The following NRG3 variants were observed in gnomAD, a reference collection of about 807,000 sequenced individuals.
NRG3 encodes neuregulin 3.
Under a neutral mutation model 66.9 loss-of-function variants are expected in NRG3, and 31 were observed. The observed-to-expected ratio is 0.46, with a 90% CI of 0.35 to 0.63. NRG3 has a LOEUF of 0.63. Among genes scored for constraint, NRG3 ranks in the 20% least tolerant of loss-of-function variants. The pLI is 0.00. For missense variants in NRG3, 910 were observed against 878.9 expected (o/e 1.04, Z -0.45); for synonymous variants, 393 against 359.4 (o/e 1.09, Z -1.06).
intron 8 of NRG3, among the ~76,000 whole-genome samples, chr10:82,981,233 T>C (rs1852855575): frequency 6.6e-6 from 1 of 152,224 alleles, no homozygotes; most frequent in African/African-American, 2.4e-5. Flanking sequence ...TCACTTATTT[T>C]CTGCGTGGTG....
At chr10:82,672,617 T>C (rs147642710) in intron 2 of NRG3, among the ~76,000 whole-genome samples, 2 of 152,332 alleles carry the variant, frequency 1.3e-5, no homozygotes, top group East Asian at 3.9e-4. Flanking sequence ...TATTGTCATT[T>C]TGTTAGACTA....
chr10:82,158,691 T>C (rs770740792), intron 1 of NRG3, among the ~76,000 whole-genome samples: 1 of 151,926 alleles, frequency 6.6e-6, no homozygotes, highest in Non-Finnish European at 1.5e-5. Flanking sequence ...GATCATTCCT[T>C]TGGGCTTATG....
chr10:82,001,969 C>T (rs1234803371), intron 1 of NRG3, among the ~76,000 whole-genome samples: 1 of 152,098 alleles, frequency 6.6e-6, no homozygotes, highest in Non-Finnish European at 1.5e-5. Flanking sequence ...GTTTGGAGCC[C>T]ATTGCAAAAC....
chr10:82,624,156 A>T (rs1040648970), intron 2 of NRG3, among the ~76,000 whole-genome samples: 20 of 152,194 alleles, frequency 1.3e-4, no homozygotes, highest in Non-Finnish European at 2.4e-4. Flanking sequence ...TAAAATTTAA[A>T]TGAGATAATA....
At chr10:82,331,756 G>A (rs1362924465) in intron 1 of NRG3, among the ~76,000 whole-genome samples, 1 of 152,146 alleles carries the variant, frequency 6.6e-6, no homozygotes. Flanking sequence ...AGTGGACCAT[G>A]GTTTTACATC....
chr10:82,152,797 C>T (rs935533279), intron 1 of NRG3, among the ~76,000 whole-genome samples: 1 of 150,026 alleles, frequency 6.7e-6, no homozygotes, highest in Admixed American at 6.7e-5. Flanking sequence ...TTCTTCTTCC[C>T]CCACCCTCCC....
At chr10:82,165,115 A>C (rs927999190) in intron 1 of NRG3, among the ~76,000 whole-genome samples, 1 of 152,140 alleles carries the variant, frequency 6.6e-6, no homozygotes, top group African/African-American at 2.4e-5. Flanking sequence ...TATGGATGCT[A>C]CCATTTGCTA....
intron 2 of NRG3, among the ~76,000 whole-genome samples, chr10:82,658,641 G>A (rs2052065188): frequency 1.3e-5 from 2 of 152,132 alleles, no homozygotes; most frequent in Admixed American, 1.3e-4. Flanking sequence ...ATAGAAAACC[G>A]ATTAGTGGTT....
chr10:82,688,723 A>G (rs1028911162), intron 2 of NRG3, among the ~76,000 whole-genome samples: 10 of 151,948 alleles, frequency 6.6e-5, no homozygotes, highest in Non-Finnish European at 1.5e-4. Context: ...TAAATCATGT[A>G]GTTTAGAATG....
chr10:82,965,062 C>T (rs1851077609), intron 6 of NRG3, among the ~76,000 whole-genome samples: 1 of 152,208 alleles, frequency 6.6e-6, no homozygotes, highest in Admixed American at 6.5e-5. Flanking sequence ...TGGATGAATG[C>T]TTCTCCTAGG....
chr10:82,061,804 T>C (rs7070099), intron 1 of NRG3, among the ~76,000 whole-genome samples: 57,780 of 151,478 alleles, frequency 0.38, 11,258 homozygotes, highest in South Asian at 0.5. Flanking sequence ...TCTGTCTCCC[T>C]CCTTTCCTTC....
At chr10:82,558,169 G>A (rs999829299) in intron 2 of NRG3, among the ~76,000 whole-genome samples, 1 of 152,162 alleles carries the variant, frequency 6.6e-6, no homozygotes, top group Non-Finnish European at 1.5e-5. Flanking sequence ...GAGGCACTTC[G>A]AGACTTTCAT....
chr10:81,894,849 G>T (rs180817589), intron 1 of NRG3, among the ~76,000 whole-genome samples: 13 of 152,190 alleles, frequency 8.5e-5, no homozygotes, highest in Admixed American at 2.6e-4. Context: ...TGCGACAGCC[G>T]CTGCCTCCAA....
intron 7 of NRG3, among the ~76,000 whole-genome samples, chr10:82,974,593 G>C (rs1401009440): frequency 6.6e-6 from 1 of 152,190 alleles, no homozygotes; most frequent in African/African-American, 2.4e-5. Flanking sequence ...ACTAATGCTA[G>C]ATTGTGTTCA....
At chr10:82,108,487 C>T (rs2067197850) in intron 1 of NRG3, among the ~76,000 whole-genome samples, 1 of 152,200 alleles carries the variant, frequency 6.6e-6, no homozygotes, top group South Asian at 2.1e-4. Context: ...GCCTGTCTCT[C>T]TGCTACCCTT....
chr10:82,733,517 T>C (rs1206473668), intron 2 of NRG3, among the ~76,000 whole-genome samples: 1 of 152,198 alleles, frequency 6.6e-6, no homozygotes, highest in Non-Finnish European at 1.5e-5. Context: ...AGACAGGTGC[T>C]AAGCAACCAT....
intron 2 of NRG3, among the ~76,000 whole-genome samples, chr10:82,586,938 T>A (rs1165572730): frequency 6.6e-6 from 1 of 152,162 alleles, no homozygotes; most frequent in Admixed American, 6.5e-5. Flanking sequence ...ATCATGTTTT[T>A]TCATGTTTTT....
At chr10:82,690,349 G>A (rs374278743) in intron 2 of NRG3, among the ~76,000 whole-genome samples, 16 of 151,098 alleles carry the variant, frequency 1.1e-4, no homozygotes, top group Admixed American at 6.6e-4. Flanking sequence ...AGCAATTTGC[G>A]TGCAATCTCT....
intron 3 of NRG3, among the ~76,000 whole-genome samples, chr10:82,747,241 T>C (rs2134880512): frequency 6.6e-6 from 1 of 152,170 alleles, no homozygotes; most frequent in South Asian, 2.1e-4. Flanking sequence ...TTATAAATAT[T>C]CCTTATAATA....
Sources: gnomAD v4.1 joint callset for allele counts (sites outside exome capture counted in the v4.1 genomes callset) on GRCh38, gnomAD v4.1.1 for gene constraint, MANE v1.5 for transcripts, NCBI Gene and HGNC (gene_info 2026-07-23, HGNC 2026-07-21) for gene names.